The following SELENOF variants were observed in gnomAD, a reference collection of about 807,000 sequenced individuals.
The protein encoded by SELENOF is 15 kDa selenoprotein.
In SELENOF, 16 loss-of-function variants were observed where a neutral mutation model predicts 20.5. The observed-to-expected ratio is 0.78, with a 90% CI of 0.53 to 1.19. SELENOF has a LOEUF of 1.19. Among genes scored for constraint, SELENOF ranks in the 50% most tolerant of loss-of-function variants. The pLI is 0.00. For synonymous variants in SELENOF, 78 were observed against 74.5 expected, an observed-to-expected ratio of 1.05 and a Z score of -0.24; for missense variants, 215 against 194.2, an observed-to-expected ratio of 1.11 and a Z score of -0.64.
chr1:86,863,590 C>T lies in SELENOF; in HGVS notation c.382G>A (p.Asp128Asn), dbSNP rs1370162420. 3.7e-6 allele frequency: 6 copies of T among 1,613,414 alleles called. No individual in the cohort carries two copies. The highest frequency in any genetic ancestry group is 5.1e-6 in the Non-Finnish European group (6 of 1,179,756). The change falls in exon 5 of 5, where the codon GAC becomes AAC. Residue 128 changes from aspartate to asparagine, a missense_variant. Transcript: ENST00000331835. ...GLQIKYVRGSDPVLKLLDDNG... is the reference protein window; with the variant it reads ...GLQIKYVRGSNPVLKLLDDNG... The stretch of plus-strand genomic sequence containing the variant: ...TCGTCCAAAAGCTTTAATACAGGGT[C>T]TGAACCACGGACATACTACAAAAAA...
In SELENOF at chr1:86,875,236, G is replaced by A. The variant is rs560462400; in HGVS notation, c.316+5426C>T. ...AGCCTGGGAGACAAAGTGAGACTCCGTCTCGAAAAAAAAAAAACAAAAAAG... is the reference window on the plus strand; with the variant it reads ...AGCCTGGGAGACAAAGTGAGACTCCATCTCGAAAAAAAAAAAACAAAAAAG... On this transcript the variant is annotated intron_variant, in intron 3 of 4. Transcript: ENST00000331835. Among the ~76,000 whole-genome samples, 17 of 139,788 alleles carry A rather than the reference G, an allele frequency of 1.2e-4. No individual in the cohort carries two copies. The South Asian group carries it at 2.6e-3, about 22-fold the overall frequency. 91.7% of individuals were successfully genotyped at this position (139,788 alleles called of 152,430 possible). A position where few individuals can be genotyped will look rare whatever the true frequency, so the allele number is the denominator to read the frequency against.
chr1:86,899,305 C>A (rs1421472335), intron 2 of SELENOF, among the ~76,000 whole-genome samples: 1 of 148,074 alleles, frequency 6.8e-6, no homozygotes, highest in East Asian at 1.9e-4. Context: ...GTTGGGCATA[C>A]CTCCCAGATG....
intron 2 of SELENOF, among the ~76,000 whole-genome samples, chr1:86,893,665 TCAA>T (rs1659446547): frequency 6.6e-6 from 1 of 151,952 alleles, no homozygotes; most frequent in South Asian, 2.1e-4. Context: ...TTAAACTCTC[TCAA>T]CAATTCTTAT....
At chr1:86,910,793 C>A (rs933296595) in intron 1 of SELENOF, among the ~76,000 whole-genome samples, 18 of 151,984 alleles carry the variant, frequency 1.2e-4, no homozygotes, top group Admixed American at 4.6e-4. Context: ...ATATCTAAGG[C>A]AGAGTCCAAG....
intron 3 of SELENOF, among the ~76,000 whole-genome samples, chr1:86,872,312 G>A (rs945109619): frequency 6.6e-5 from 10 of 152,272 alleles, no homozygotes; most frequent in African/African-American, 2.2e-4. Context: ...ACTGATTCCA[G>A]ATTCCAAATA....
chr1:86,875,190 G>A (rs959973129), intron 3 of SELENOF, among the ~76,000 whole-genome samples: 2 of 151,432 alleles, frequency 1.3e-5, no homozygotes, highest in African/African-American at 2.4e-5. Flanking sequence ...GCAGTGAGCC[G>A]AGATCACGCC....
intron 4 of SELENOF, among the ~76,000 whole-genome samples, 177 bp downstream of exon 4, chr1:86,867,876 A>T (rs1386137364): frequency 6.6e-6 from 1 of 152,026 alleles, no homozygotes; most frequent in Non-Finnish European, 1.5e-5. Context: ...AAAGTGCTCT[A>T]AAAAAATAAA....
chr1:86,890,967 G>A (rs569377071), intron 2 of SELENOF, among the ~76,000 whole-genome samples: 2 of 150,922 alleles, frequency 1.3e-5, no homozygotes, highest in African/African-American at 4.9e-5. Flanking sequence ...GGTTACCTTC[G>A]TAACATTAGA....
intron 3 of SELENOF, among the ~76,000 whole-genome samples, chr1:86,870,228 T>C (rs535181477): frequency 6.6e-6 from 1 of 152,224 alleles, no homozygotes; most frequent in Non-Finnish European, 1.5e-5. Context: ...CACTATAGAT[T>C]TGCTTCATTG....
At position 86,890,989 on chromosome 1, in the gene SELENOF, C is replaced by G. The variant is rs538301813; in HGVS notation, c.253-10264G>C. 2.4e-4 allele frequency among the ~76,000 whole-genome samples: 37 copies of G among 151,610 alleles called. No homozygotes were observed. The East Asian group carries it at 4.6e-3, about 19-fold the overall frequency. On this transcript the variant is annotated intron_variant, in intron 2 of 4. Coordinates refer to ENST00000331835, the MANE Select transcript of SELENOF (RefSeq NM_004261.5). ...TTCGTAACATTAGATATTATGTTTT[C>G]GTCCAACAAACAGAATATCATATCA... is the stretch of plus-strand genomic sequence containing the variant.
chr1:86,871,296 A>G (rs1424582539), intron 3 of SELENOF, among the ~76,000 whole-genome samples: 1 of 152,240 alleles, frequency 6.6e-6, no homozygotes, highest in Non-Finnish European at 1.5e-5. Flanking sequence ...AACAATTGAC[A>G]ATAAGTACTC....
chr1:86,882,540 T>C (rs905327940), intron 2 of SELENOF, among the ~76,000 whole-genome samples: 4 of 151,140 alleles, frequency 2.6e-5, no homozygotes, highest in African/African-American at 9.7e-5. Context: ...ATTGGAACCC[T>C]TGTACACTGC....
At chr1:86,877,790 G>C (rs1220285044) in intron 3 of SELENOF, among the ~76,000 whole-genome samples, 2 of 152,140 alleles carry the variant, frequency 1.3e-5, no homozygotes. Flanking sequence ...GGAACACAGT[G>C]ACGTGCATTC....
intron 2 of SELENOF, among the ~76,000 whole-genome samples, chr1:86,892,930 G>A (rs1044984869): frequency 1.3e-5 from 2 of 152,114 alleles, no homozygotes; most frequent in Non-Finnish European, 2.9e-5. Context: ...GTTTTATATT[G>A]AACTCATTCA....
At chr1:86,874,501 C>A (rs1360161324) in intron 3 of SELENOF, among the ~76,000 whole-genome samples, 1 of 151,782 alleles carries the variant, frequency 6.6e-6, no homozygotes, top group Non-Finnish European at 1.5e-5. Context: ...ACACACTGCT[C>A]AGAATGTCAA....
chr1:86,887,808 G>C (rs1011575113), intron 2 of SELENOF, among the ~76,000 whole-genome samples: 1 of 151,982 alleles, frequency 6.6e-6, no homozygotes. Flanking sequence ...GTATACTTTA[G>C]CTACAAGTAT....
intron 4 of SELENOF, 120 bp from the exon 5 acceptor site, chr1:86,863,725 T>A: frequency 1.2e-6 from 1 of 820,626 alleles, no homozygotes; most frequent in Non-Finnish European, 1.8e-6. Context: ...CTTTTAGACA[T>A]GACAATAAAC....
chr1:86,897,325 T>C (rs1490983971), intron 2 of SELENOF, among the ~76,000 whole-genome samples: 1 of 152,112 alleles, frequency 6.6e-6, no homozygotes, highest in Non-Finnish European at 1.5e-5. Flanking sequence ...AACAGCATTA[T>C]TTTTTGGGAG....
At chr1:86,887,362 A>C (rs1340929006) in intron 2 of SELENOF, among the ~76,000 whole-genome samples, 1 of 152,228 alleles carries the variant, frequency 6.6e-6, no homozygotes, top group Non-Finnish European at 1.5e-5. Flanking sequence ...AAGGAAACTC[A>C]CTAAGTTTAA....
Sources: gnomAD v4.1 joint callset for allele counts (sites outside exome capture counted in the v4.1 genomes callset) on GRCh38, gnomAD v4.1.1 for gene constraint, MANE v1.5 for transcripts, NCBI Gene and HGNC (gene_info 2026-07-23, HGNC 2026-07-21) for gene names.